The following APLP2 variants were observed in gnomAD, a reference collection of about 807,000 sequenced individuals.
APLP2 encodes the protein CDEI box-binding protein.
In APLP2, 53 loss-of-function variants were observed where a neutral mutation model predicts 89.9. That is an observed-to-expected ratio of 0.59 (90% CI 0.47 to 0.74). APLP2 has a LOEUF of 0.74. Among genes scored for constraint, APLP2 ranks in the 30% least tolerant of loss-of-function variants. The pLI is 0.00. For synonymous variants in APLP2, 372 were observed against 348.6 expected (o/e 1.07, Z -0.75); for missense variants, 973 against 975.9 (o/e 1.00, Z 0.04).
intron 1 of APLP2, among the ~76,000 whole-genome samples, chr11:130,093,680 C>T (rs552694783): frequency 1.3e-5 from 2 of 152,224 alleles, no homozygotes; most frequent in Admixed American, 6.5e-5. Context: ...AAGAGCACAC[C>T]AAGACATGTT....
chr11:130,091,228 C>T (rs1276180610), intron 1 of APLP2, among the ~76,000 whole-genome samples: 1 of 139,096 alleles, frequency 7.2e-6, no homozygotes, highest in Non-Finnish European at 1.6e-5. Context: ...GCTGACCCCC[C>T]CCACCTCCCT....
At chr11:130,110,460 T>G in intron 2 of APLP2, 78 bp from the exon 3 acceptor site, 1 of 1,556,388 alleles carries the variant, frequency 6.4e-7, no homozygotes, top group Non-Finnish European at 8.7e-7. Context: ...TGAATAAACT[T>G]AGACACTCCA....
intron 3 of APLP2, among the ~76,000 whole-genome samples, chr11:130,111,944 G>C (rs1056551467): frequency 1.3e-5 from 2 of 152,172 alleles, no homozygotes; most frequent in African/African-American, 4.8e-5. Context: ...TTTGCAGCCT[G>C]ATTATCTCCT....
At chr11:130,108,566 G>C (rs1948112396) in intron 1 of APLP2, 1 of 152,218 alleles carries the variant, frequency 6.6e-6, no homozygotes, top group Non-Finnish European at 1.5e-5. Flanking sequence ...ACAGGTGCTG[G>C]AGAGGATGTG....
At chr11:130,115,911 G>A (rs946535280) in intron 3 of APLP2, among the ~76,000 whole-genome samples, 2 of 152,118 alleles carry the variant, frequency 1.3e-5, no homozygotes, top group Non-Finnish European at 2.9e-5. Context: ...TTGCATTGGG[G>A]GAAGGGGACA....
At position 130,123,482 on chromosome 11, in the gene APLP2, AC is replaced by A. The variant is rs1950048122; in HGVS notation, c.923-128del. 1.0e-6 allele frequency: 1 copy of A among 970,078 alleles called. No individual in the cohort carries two copies. The highest frequency in any genetic ancestry group is 1.6e-5 in the African/African-American group (1 of 60,720). 60.1% of individuals were successfully genotyped at this position (970,078 alleles called of 1,614,324 possible). ...CTGGCCTGAGCTGGAGCTTTCGGCC[AC>A]CGGGCCTCCAGGCTCCGTCCAGTCT... is the stretch of plus-strand genomic sequence containing the variant. On this transcript the variant is annotated intron_variant, in intron 6 of 16. Transcript: ENST00000338167. This position sits in a 1 kb window ranked among gnomAD's most constrained non-coding sequence, Gnocchi z 4.0.
chr11:130,125,330 C>T (rs567038590), intron 7 of APLP2, among the ~76,000 whole-genome samples: 1 of 152,304 alleles, frequency 6.6e-6, no homozygotes, highest in South Asian at 2.1e-4. Context: ...GAACCAAAGG[C>T]TCCGTCTCCA....
Position 130,103,341 on chromosome 11 carries a change from TTCTGAAC to T in APLP2, c.106-6085_106-6079del, listed in dbSNP as rs143012044. Among the ~76,000 whole-genome samples the T allele has an allele frequency of 8.2e-3, 1,244 of 152,280 alleles. 11 individuals are homozygous for T. Among genetic ancestry groups the T allele is most frequent in the African/African-American group, 0.029 (1,202 of 41,544 alleles). ...CTCTTAAGACCACAAGGATTAATCT[TTCTGAAC>T]TCAAAAGTGAATCACTACAGCATAT... On this transcript the variant is annotated intron_variant, in intron 1 of 16. Transcript: ENST00000338167.
rs1952774398 is a variant in APLP2 at position 130,144,731 on chromosome 11, C to T, written c.*1283C>T. Reference sequence around the variant, plus strand: ...TACCCACTATGCACAGATTAAACTTCACCTACAAACTCCTTAATATGATCT... The same window carrying T: ...TACCCACTATGCACAGATTAAACTTTACCTACAAACTCCTTAATATGATCT... On this transcript the variant is annotated 3_prime_UTR_variant, in exon 17 of 17. Coordinates refer to ENST00000338167, the MANE Select transcript of APLP2 (RefSeq NM_001142276.2). 1 of 152,494 alleles carries T rather than the reference C, an allele frequency of 6.6e-6. No homozygotes were observed. Among genetic ancestry groups the T allele is most frequent in the Admixed American group, 6.6e-5 (1 of 15,254 alleles). 9.4% of individuals were successfully genotyped at this position (152,494 alleles called of 1,614,324 possible). A position where few individuals can be genotyped will look rare whatever the true frequency, so the allele number is the denominator to read the frequency against.
At chr11:130,097,060 T>G (rs1946302019) in intron 1 of APLP2, among the ~76,000 whole-genome samples, 1 of 152,272 alleles carries the variant, frequency 6.6e-6, no homozygotes, top group Admixed American at 6.5e-5. Context: ...CAGTCTGATT[T>G]ACTTTTAAAT....
chr11:130,130,986 A>G (rs923708309), intron 11 of APLP2, among the ~76,000 whole-genome samples: 1 of 152,236 alleles, frequency 6.6e-6, no homozygotes. Flanking sequence ...GGTCTGTCTC[A>G]GTGCCAGACT....
intron 1 of APLP2, among the ~76,000 whole-genome samples, chr11:130,071,202 T>C (rs1447733600): frequency 1.4e-5 from 2 of 146,174 alleles, no homozygotes; most frequent in Non-Finnish European, 2.9e-5. Flanking sequence ...AATTGAGAGC[T>C]TTCTTTTAAA....
rs753525962 is a variant in APLP2 at position 130,121,663 on chromosome 11, C to T, written c.566C>T (p.Pro189Leu). The T allele has an allele frequency of 3.7e-6, 6 of 1,614,106 alleles. No homozygotes were observed. The Admixed American group carries it at 1.0e-4, about 27-fold the overall frequency. ...TTATATAGCTACGGCATGCTGCTCCCATGTGGGGTAGACCAGTTCCATGGC... is the reference window on the plus strand; with the variant it reads ...TTATATAGCTACGGCATGCTGCTCCTATGTGGGGTAGACCAGTTCCATGGC... ...MTLYSYGMLLPCGVDQFHGTE... is the reference protein window; with the variant it reads ...MTLYSYGMLLLCGVDQFHGTE... Residue 189 changes from proline to leucine, a missense_variant, in exon 5 of 17, where the codon CCA (proline) becomes CTA (leucine). By Grantham distance (98) the Pro-to-Leu change is moderately conservative. Coordinates refer to ENST00000338167, the MANE Select transcript of APLP2 (RefSeq NM_001142276.2).
intron 9 of APLP2, 132 bp downstream of exon 9, chr11:130,127,972 G>C: frequency 1.4e-6 from 1 of 737,440 alleles, no homozygotes; most frequent in African/African-American, 1.8e-5. Flanking sequence ...AGTTGTAACT[G>C]GCCTGTTTTT....
chr11:130,088,954 A>G (rs369813013), intron 1 of APLP2, among the ~76,000 whole-genome samples: 4 of 152,076 alleles, frequency 2.6e-5, no homozygotes, highest in East Asian at 2.0e-4. Context: ...CCCATCCTCT[A>G]TTTTTGTCTG....
chr11:130,085,673 A>G (rs969693717), intron 1 of APLP2, among the ~76,000 whole-genome samples: 1 of 152,220 alleles, frequency 6.6e-6, no homozygotes, highest in Non-Finnish European at 1.5e-5. Context: ...TTGTGCAACC[A>G]TCCCCGCTGT....
At chr11:130,134,782 G>T (rs1436051332) in intron 12 of APLP2, among the ~76,000 whole-genome samples, 1 of 152,140 alleles carries the variant, frequency 6.6e-6, no homozygotes, top group Admixed American at 6.5e-5. Context: ...AGTGTGTGGG[G>T]CTGCGCCCAG....
chr11:130,137,117 A>G, intron 13 of APLP2: 1 of 733,176 alleles, frequency 1.4e-6, no homozygotes, highest in Non-Finnish European at 2.3e-6. Context: ...TATTTCAGGC[A>G]GGGTGTTTTT....
intron 6 of APLP2, among the ~76,000 whole-genome samples, 172 bp downstream of exon 6, chr11:130,122,685 A>G (rs1046306695): frequency 6.6e-6 from 1 of 152,242 alleles, no homozygotes; most frequent in Non-Finnish European, 1.5e-5. Context: ...GTCTTAACAA[A>G]GTGGGCAGGC....
Sources: allele counts gnomAD v4.1 joint callset (sites outside exome capture counted in the v4.1 genomes callset), GRCh38; gene constraint gnomAD v4.1.1; non-coding constraint Gnocchi (gnomAD v3.1); transcripts MANE v1.5; gene names NCBI Gene and HGNC (gene_info 2026-07-23, HGNC 2026-07-21).